The following UTS2 variants were observed in gnomAD, a reference collection of about 807,000 sequenced individuals.
The protein encoded by UTS2 is urotensin 2, also known as urotensin-2.
UTS2 carries 10 observed loss-of-function variants against 12.6 expected under a neutral mutation model. That is an observed-to-expected ratio of 0.80 (90% CI 0.49 to 1.35). The LOEUF is 1.35. Ranked by LOEUF, UTS2 falls within the 40% of genes most tolerant of loss-of-function variation. The pLI is 0.00. For synonymous variants in UTS2, 52 were observed against 50.0 expected, an observed-to-expected ratio of 1.04 and a Z score of -0.17; for missense variants, 142 against 143.2, an observed-to-expected ratio of 0.99 and a Z score of 0.04.
the UTS2 span, among the ~76,000 whole-genome samples, chr1:7,880,289 A>T: frequency 6.6e-6 from 1 of 152,096 alleles, no homozygotes; most frequent in Non-Finnish European, 1.5e-5. Context: ...AATTTAAAAG[A>T]TCAGAGCCAA....
At chr1:7,895,020 ATCT>A in the UTS2 span, among the ~76,000 whole-genome samples, 2 of 152,032 alleles carry the variant, frequency 1.3e-5, no homozygotes, top group Admixed American at 1.3e-4. Context: ...TTTAATTTGT[ATCT>A]TCTTCGTCGG....
At chr1:7,900,592 C>A in the UTS2 span, among the ~76,000 whole-genome samples, 1 of 151,644 alleles carries the variant, frequency 6.6e-6, no homozygotes, top group African/African-American at 2.4e-5. Flanking sequence ...GCCTGGCCAA[C>A]ATGGCAAAAA....
At chr1:7,894,185 C>CT in the UTS2 span, among the ~76,000 whole-genome samples, 1 of 125,896 alleles carries the variant, frequency 7.9e-6, no homozygotes, top group Non-Finnish European at 1.7e-5. Context: ...TTTTTTATTT[C>CT]TTTTTTCTTT....
chr1:7,902,038 A>G, the UTS2 span, among the ~76,000 whole-genome samples: 1 of 152,098 alleles, frequency 6.6e-6, no homozygotes, highest in Non-Finnish European at 1.5e-5. Flanking sequence ...GGTGGCTGAG[A>G]GCAGGGCTGG....
At chr1:7,867,978 C>G in the UTS2 span, among the ~76,000 whole-genome samples, 3 of 152,218 alleles carry the variant, frequency 2.0e-5, no homozygotes, top group African/African-American at 7.2e-5. Flanking sequence ...TGCACTCATA[C>G]AGCTGGTCGC....
chr1:7,884,047 C>T, the UTS2 span, among the ~76,000 whole-genome samples: 1 of 152,122 alleles, frequency 6.6e-6, no homozygotes, highest in Non-Finnish European at 1.5e-5. Flanking sequence ...CTCCTGGCCT[C>T]AGGTGATCCA....
chr1:7,861,977 A>G, the UTS2 span, among the ~76,000 whole-genome samples: 4 of 151,550 alleles, frequency 2.6e-5, no homozygotes, highest in South Asian at 6.3e-4. Context: ...CAGTGGCACA[A>G]TCTCGGCTCA....
the UTS2 span, among the ~76,000 whole-genome samples, chr1:7,873,281 G>A: frequency 3.3e-5 from 5 of 152,294 alleles, no homozygotes; most frequent in Admixed American, 2.6e-4. Context: ...CATGGATCAA[G>A]GACTAACTTT....
chr1:7,875,147 T>C, the UTS2 span, among the ~76,000 whole-genome samples: 1 of 151,898 alleles, frequency 6.6e-6, no homozygotes, highest in African/African-American at 2.4e-5. Context: ...CGATCTAGGC[T>C]CACTGCAAGC....
chr1:7,897,425 A>T, the UTS2 span, among the ~76,000 whole-genome samples: 2 of 152,164 alleles, frequency 1.3e-5, no homozygotes, highest in Non-Finnish European at 2.9e-5. Context: ...TCATATTGTC[A>T]AGTTCCTTGA....
the UTS2 span, among the ~76,000 whole-genome samples, chr1:7,907,658 T>A: frequency 2.0e-5 from 3 of 148,772 alleles, no homozygotes; most frequent in African/African-American, 5.0e-5. Flanking sequence ...AAAAAAAAAA[T>A]TAGCGACCAC....
the UTS2 span, among the ~76,000 whole-genome samples, chr1:7,884,056 C>G: frequency 2.6e-5 from 4 of 152,064 alleles, no homozygotes; most frequent in Non-Finnish European, 2.9e-5. Flanking sequence ...TCAGGTGATC[C>G]ACCTGCCTTG....
At chr1:7,861,374 G>A in the UTS2 span, among the ~76,000 whole-genome samples, 2 of 152,174 alleles carry the variant, frequency 1.3e-5, no homozygotes, top group East Asian at 1.9e-4. Context: ...GTGGCCTGGG[G>A]GGTTGGAAGT....
chr1:7,905,122 T>TA, the UTS2 span, among the ~76,000 whole-genome samples: 4 of 151,556 alleles, frequency 2.6e-5, no homozygotes, highest in Non-Finnish European at 4.4e-5. Flanking sequence ...ATCTTTTTTT[T>TA]ATGTGTGATT....
the UTS2 span, among the ~76,000 whole-genome samples, chr1:7,893,364 G>A: frequency 1.3e-5 from 2 of 152,196 alleles, no homozygotes; most frequent in South Asian, 2.1e-4. Flanking sequence ...TAGCCAGTGC[G>A]GTGGCACCTG....
chr1:7,872,331 A>AAGG, the UTS2 span, among the ~76,000 whole-genome samples: 2 of 140,142 alleles, frequency 1.4e-5, no homozygotes, highest in African/African-American at 2.9e-5. Context: ...GAAAAGAAAA[A>AAGG]AAAAGAAAAA....
the UTS2 span, among the ~76,000 whole-genome samples, chr1:7,900,376 G>A: frequency 6.6e-6 from 1 of 152,020 alleles, no homozygotes; most frequent in African/African-American, 2.4e-5. Context: ...TTGGCCTGGC[G>A]ACAGAGCCAG....
At chr1:7,878,149 T>C in the UTS2 span, among the ~76,000 whole-genome samples, 9 of 152,248 alleles carry the variant, frequency 5.9e-5, no homozygotes, top group South Asian at 1.7e-3. Context: ...TGAAAGATAA[T>C]AAAACTGCCA....
the UTS2 span, among the ~76,000 whole-genome samples, chr1:7,879,923 C>T: frequency 6.6e-6 from 1 of 151,912 alleles, no homozygotes; most frequent in Non-Finnish European, 1.5e-5. Flanking sequence ...ACTAGAAAAA[C>T]AAGAACAAGC....
Sources: gnomAD v4.1 joint callset for allele counts (sites outside exome capture counted in the v4.1 genomes callset) on GRCh38, gnomAD v4.1.1 for gene constraint, MANE v1.5 for transcripts, NCBI Gene and HGNC (gene_info 2026-07-23, HGNC 2026-07-21) for gene names.